CAPN14: variants seen among roughly 807,000 people sequenced by gnomAD.
CAPN14 encodes calpain 14.
Under a neutral mutation model 101.3 loss-of-function variants are expected in CAPN14, and 94 were observed. The observed-to-expected ratio is 0.93, with a 90% CI of 0.79 to 1.10. The LOEUF (loss-of-function observed/expected upper bound fraction) is 1.10. CAPN14 is among the 50% of genes least tolerant of loss of function. CAPN14 has a pLI of 0.00. For synonymous variants in CAPN14, 338 were observed against 317.9 expected, an observed-to-expected ratio of 1.06 and a Z score of -0.67; for missense variants, 837 against 828.4, an observed-to-expected ratio of 1.01 and a Z score of -0.13.
intron 1 of CAPN14, among the ~76,000 whole-genome samples, chr2:31,209,970 G>T (rs1462407443): frequency 6.6e-6 from 1 of 152,188 alleles, no homozygotes; most frequent in Non-Finnish European, 1.5e-5. Context: ...GTCCTATGAG[G>T]TTGTCCAGCT....
At chr2:31,215,265 C>T (rs55695479) in intron 1 of CAPN14, among the ~76,000 whole-genome samples, 85,995 of 151,050 alleles carry the variant, frequency 0.57, 25,491 homozygotes, top group East Asian at 0.94. Flanking sequence ...GATGTAAATT[C>T]ATTCCTTTTT....
intron 1 of CAPN14, among the ~76,000 whole-genome samples, chr2:31,226,994 C>T (rs1397198756): frequency 2.6e-5 from 4 of 152,292 alleles, no homozygotes; most frequent in East Asian, 3.9e-4. Context: ...GGAAACATCC[C>T]TATCTTCCTC....
At chr2:31,189,066 G>A (rs1445518679) in intron 13 of CAPN14, among the ~76,000 whole-genome samples, 1 of 152,222 alleles carries the variant, frequency 6.6e-6, no homozygotes, top group African/African-American at 2.4e-5. Context: ...CTAATGTCTA[G>A]CATGGTGTTA....
At chr2:31,212,497 G>A (rs537143559) in intron 1 of CAPN14, among the ~76,000 whole-genome samples, 2 of 152,150 alleles carry the variant, frequency 1.3e-5, no homozygotes, top group East Asian at 3.9e-4. Flanking sequence ...AATAAGATCT[G>A]CCCAAATCCT....
chr2:31,210,429 C>T (rs1191705091), intron 1 of CAPN14, among the ~76,000 whole-genome samples: 1 of 148,254 alleles, frequency 6.7e-6, no homozygotes, highest in Non-Finnish European at 1.5e-5. Context: ...GCCTGGGCGA[C>T]AGAGCGTGTC....
intron 5 of CAPN14, among the ~76,000 whole-genome samples, chr2:31,201,115 G>GCGTGTGCA (rs373887389): frequency 6.6e-6 from 1 of 151,194 alleles, no homozygotes; most frequent in East Asian, 1.9e-4. Context: ...GCATGTGCGT[G>GCGTGTGCA]TGTGTGCATG....
chr2:31,219,292 G>A (rs1682789892), upstream of CAPN14, among the ~76,000 whole-genome samples: 1 of 152,074 alleles, frequency 6.6e-6, no homozygotes, highest in Non-Finnish European at 1.5e-5. Flanking sequence ...AGATGGCCGG[G>A]GAGCCTTGCA....
chr2:31,221,504 T>G, upstream of CAPN14, among the ~76,000 whole-genome samples: 1 of 152,230 alleles, frequency 6.6e-6, no homozygotes, highest in East Asian at 1.9e-4. Flanking sequence ...TTTCTCCAAG[T>G]GTCTCACAGT....
In CAPN14 at chr2:31,193,208, T is replaced by C; in HGVS notation, c.1037A>G (p.Gln346Arg). The change falls in exon 10 of 22, where the codon CAG (glutamine) becomes CGG (arginine). Residue 346 changes from glutamine to arginine, a missense_variant. By Grantham distance (43) the Gln-to-Arg change is conservative. Transcript: ENST00000403897. The part of the protein sequence containing the change: ...TPGLLSQEAA[Q>R]KWTYTMREGR... ...CTCCCGCATGGTGTACGTCCACTTC[T>C]GGGCCGCCTCCTGGCTCAACAGGCC... The C allele has an allele frequency of 6.4e-7, 1 of 1,551,732 alleles. No individual in the cohort carries two copies. Among genetic ancestry groups the C allele is most frequent in the Non-Finnish European group, 8.7e-7 (1 of 1,147,012 alleles).
At chr2:31,181,464 T>G (rs1680618867) in intron 16 of CAPN14, among the ~76,000 whole-genome samples, 1 of 127,078 alleles carries the variant, frequency 7.9e-6, no homozygotes, top group African/African-American at 3.6e-5. Flanking sequence ...TTTTTTCTCT[T>G]TTTCTTTCTT....
At chr2:31,180,503 C>G (rs1680537551) in intron 17 of CAPN14, among the ~76,000 whole-genome samples, 1 of 152,172 alleles carries the variant, frequency 6.6e-6, no homozygotes, top group South Asian at 2.1e-4. Flanking sequence ...CACTGGTTTC[C>G]TGATCTGTGC....
intron 2 of CAPN14, among the ~76,000 whole-genome samples, chr2:31,224,909 G>A (rs1682973653): frequency 6.6e-6 from 1 of 151,994 alleles, no homozygotes; most frequent in Non-Finnish European, 1.5e-5. Flanking sequence ...TTCCTGGAGG[G>A]AAAGATTAAG....
In CAPN14 at chr2:31,189,481, G is replaced by A. The variant is rs78099670; in HGVS notation, c.1288-3C>T. 18,555 of 1,549,756 alleles carry A rather than the reference G, an allele frequency of 0.012. 177 individuals carry two copies. Among genetic ancestry groups the A allele is most frequent in the South Asian group, 0.03 (2,547 of 84,008 alleles). Reference sequence around the variant, plus strand: ...AGTCTCCTCTGGTCATCATGGTACTGTGGGTAGAGGACAGAAGAACAGCAA... The same window carrying A: ...AGTCTCCTCTGGTCATCATGGTACTATGGGTAGAGGACAGAAGAACAGCAA... On this transcript the variant is annotated splice_region_variant and splice_polypyrimidine_tract_variant and intron_variant, in intron 12 of 21. Transcript: ENST00000403897.
intron 8 of CAPN14, 140 bp downstream of exon 8, chr2:31,197,109 G>T: frequency 1.7e-6 from 1 of 588,948 alleles, no homozygotes; most frequent in Non-Finnish European, 3.1e-6. Context: ...CTAAATGTGA[G>T]GGATTGAGCT....
At chr2:31,187,214 C>A (rs181162834) in intron 15 of CAPN14, among the ~76,000 whole-genome samples, 6 of 152,254 alleles carry the variant, frequency 3.9e-5, no homozygotes, top group Non-Finnish European at 8.8e-5. Flanking sequence ...GCCTCCAGAG[C>A]CCCGCACTCA....
intron 1 of CAPN14, among the ~76,000 whole-genome samples, chr2:31,210,336 T>C (rs1682329064): frequency 6.6e-6 from 1 of 151,924 alleles, no homozygotes; most frequent in Admixed American, 6.6e-5. Flanking sequence ...TAGTCCCAGC[T>C]ACTCGGGAGG....
intron 10 of CAPN14, among the ~76,000 whole-genome samples, 161 bp downstream of exon 10, chr2:31,192,970 C>T (rs1193114625): frequency 6.6e-6 from 1 of 152,080 alleles, no homozygotes; most frequent in Non-Finnish European, 1.5e-5. Context: ...ACCCCATCTT[C>T]CCTGTGGTTA....
rs1478922226 is a variant in CAPN14 at position 31,177,028 on chromosome 2, T to C, written c.1970A>G (p.Glu657Gly). 1.3e-5 allele frequency: 20 copies of C among 1,549,874 alleles called. No homozygotes were observed. Among genetic ancestry groups the C allele is most frequent in the Non-Finnish European group, 1.7e-5 (20 of 1,145,582 alleles). The change falls in exon 20 of 22, where the codon GAG (glutamate) becomes GGG (glycine). Residue 657 changes from glutamate to glycine, a missense_variant and splice_region_variant. Physicochemically the swap from Glu to Gly is moderately conservative, Grantham distance 98. Transcript: ENST00000403897. ...TCCCCAGCTTCCCGCCAGCTTACCC[T>C]CCATGTTCTCTACACGCAGCATCAA... ...IHLMLRVENM[E>G]DVFQNLTQDG...
Position 31,231,148 on chromosome 2 carries a change from C to G in CAPN14, c.-177+2643G>C, listed in dbSNP as rs1045451903. 5.3e-5 allele frequency among the ~76,000 whole-genome samples: 8 copies of G among 152,132 alleles called. No homozygotes were observed. The South Asian group carries it at 1.7e-3, about 32-fold the overall frequency. Reference sequence around the variant, plus strand: ...TCCTTCCCCTTCCACCTCTCCCTCTCCTCCTCCTTATTCTTCTTATCTTCT... The same window carrying G: ...TCCTTCCCCTTCCACCTCTCCCTCTGCTCCTCCTTATTCTTCTTATCTTCT... On this transcript the variant is annotated intron_variant and NMD_transcript_variant, in intron 1 of 21. Coordinates refer to the CAPN14 transcript ENST00000398824.
Sources: allele counts gnomAD v4.1 joint callset (sites outside exome capture counted in the v4.1 genomes callset), GRCh38; gene constraint gnomAD v4.1.1; transcripts MANE v1.5; gene names NCBI Gene and HGNC (gene_info 2026-07-23, HGNC 2026-07-21).